The following SLC8A1 variants were observed in gnomAD, a reference collection of about 807,000 sequenced individuals.
SLC8A1 encodes solute carrier family 8 member A1, also known as sodium/calcium exchanger 1.
Under a neutral mutation model 68.3 loss-of-function variants are expected in SLC8A1, and 18 were observed. The observed-to-expected ratio is 0.26, with a 90% CI of 0.18 to 0.39. The LOEUF (loss-of-function observed/expected upper bound fraction) is 0.39. SLC8A1 is among the 10% of genes least tolerant of loss of function. The pLI is 1.00. For synonymous variants in SLC8A1, 475 were observed against 415.5 expected (o/e 1.14, Z -1.74); for missense variants, 985 against 1,156.7 (o/e 0.85, Z 2.15).
chr2:40,455,767 C>G (rs947765843), upstream of SLC8A1, among the ~76,000 whole-genome samples: 3 of 152,148 alleles, frequency 2.0e-5, no homozygotes, highest in African/African-American at 7.2e-5. Context: ...GAGACTTGTT[C>G]CTGCAGTTAA....
chr2:40,497,817 T>C (rs540893535), intron 1 of SLC8A1, among the ~76,000 whole-genome samples: 2 of 152,204 alleles, frequency 1.3e-5, no homozygotes, highest in East Asian at 1.9e-4. Context: ...CTGAGAGTTA[T>C]AGGGATTTAT....
intron 2 of SLC8A1, among the ~76,000 whole-genome samples, chr2:40,279,943 CT>C (rs2149180247): frequency 6.6e-6 from 1 of 152,300 alleles, no homozygotes; most frequent in South Asian, 2.1e-4. Context: ...TTCCCTGCCT[CT>C]TTTCCATTCT....
At chr2:40,325,509 C>T (rs1327882138) in intron 2 of SLC8A1, among the ~76,000 whole-genome samples, 2 of 152,096 alleles carry the variant, frequency 1.3e-5, no homozygotes, top group Non-Finnish European at 2.9e-5. Context: ...AAGAAGGCTG[C>T]ACCTTTTCAT....
intron 2 of SLC8A1, among the ~76,000 whole-genome samples, chr2:40,405,533 G>C (rs937332753): frequency 6.6e-6 from 1 of 152,170 alleles, no homozygotes; most frequent in Admixed American, 6.5e-5. Flanking sequence ...GAGATCCCAT[G>C]CCACAATTCA....
intron 2 of SLC8A1, among the ~76,000 whole-genome samples, chr2:40,418,399 C>A (rs12105764): frequency 0.28 from 42,430 of 151,950 alleles, 7,497 homozygotes; most frequent in African/African-American, 0.49. Context: ...TTGCATAATA[C>A]AACAGCTCAG....
intron 6 of SLC8A1, among the ~76,000 whole-genome samples, chr2:40,151,858 T>C (rs381171): frequency 0.053 from 8,005 of 152,250 alleles, 419 homozygotes; most frequent in African/African-American, 0.13. Flanking sequence ...AAAGTACTAG[T>C]TTTCAAATGT....
At chr2:40,133,504 G>T (rs918120986) in intron 7 of SLC8A1, among the ~76,000 whole-genome samples, 1 of 151,510 alleles carries the variant, frequency 6.6e-6, no homozygotes, top group Admixed American at 6.6e-5. Flanking sequence ...AAGAATATTC[G>T]AAACATAGGA....
chr2:40,421,907 G>C (rs1358931967), intron 2 of SLC8A1, among the ~76,000 whole-genome samples: 1 of 152,218 alleles, frequency 6.6e-6, no homozygotes, highest in Non-Finnish European at 1.5e-5. Flanking sequence ...CGAGCCAGGA[G>C]AGGAGGCAAT....
chr2:40,481,143 T>C (rs1178763223), intron 1 of SLC8A1, among the ~76,000 whole-genome samples: 3 of 152,158 alleles, frequency 2.0e-5, no homozygotes, highest in Non-Finnish European at 4.4e-5. Flanking sequence ...GTGTGTATGT[T>C]TGTGCATCCA....
At chr2:40,447,658 G>C (rs892384599) in intron 1 of SLC8A1, among the ~76,000 whole-genome samples, 1 of 151,332 alleles carries the variant, frequency 6.6e-6, no homozygotes, top group East Asian at 1.9e-4. Flanking sequence ...GCTCCTTCTC[G>C]GATAATATTT....
intron 2 of SLC8A1, among the ~76,000 whole-genome samples, chr2:40,330,857 G>C (rs370383209): frequency 6.6e-6 from 1 of 152,092 alleles, no homozygotes; most frequent in African/African-American, 2.4e-5. Flanking sequence ...TGGAATCTAC[G>C]GCATTTGCTA....
At chr2:40,492,276 A>G (rs1347548999) in intron 1 of SLC8A1, among the ~76,000 whole-genome samples, 1 of 152,202 alleles carries the variant, frequency 6.6e-6, no homozygotes, top group African/African-American at 2.4e-5. Flanking sequence ...CGTGCTGGGA[A>G]AACTGGCTAG....
chr2:40,390,544 C>A (rs148937372), intron 2 of SLC8A1, among the ~76,000 whole-genome samples: 1 of 152,090 alleles, frequency 6.6e-6, no homozygotes, highest in Non-Finnish European at 1.5e-5. Flanking sequence ...TCTACTAAGT[C>A]ATAAACTCTG....
At chr2:40,104,382 C>T (rs1262768827) in exon 8 of SLC8A1, 2 of 152,142 alleles carry the variant, frequency 1.3e-5, no homozygotes, top group Non-Finnish European at 2.9e-5. Flanking sequence ...ATAAAAGACC[C>T]TATATCAAAC....
At chr2:40,111,369 G>C (rs1272888004) in exon 8 of SLC8A1, 1 of 152,028 alleles carries the variant, frequency 6.6e-6, no homozygotes, top group African/African-American at 2.4e-5. Flanking sequence ...CCAAAGGCTG[G>C]TACTCAAGAG....
At chr2:40,466,831 T>C (rs997310441) in intron 1 of SLC8A1, among the ~76,000 whole-genome samples, 2 of 152,152 alleles carry the variant, frequency 1.3e-5, no homozygotes, top group Non-Finnish European at 2.9e-5. Flanking sequence ...CTTAATTTTT[T>C]CATTCACATA....
intron 2 of SLC8A1, among the ~76,000 whole-genome samples, chr2:40,254,048 G>T (rs74365378): frequency 6.6e-6 from 1 of 151,926 alleles, no homozygotes. Flanking sequence ...CAAAGAAATG[G>T]TAAATGTTTG....
chr2:40,179,366 C>T (rs953039253), intron 2 of SLC8A1, among the ~76,000 whole-genome samples: 1 of 152,228 alleles, frequency 6.6e-6, no homozygotes, highest in Non-Finnish European at 1.5e-5. Context: ...TTTAACAGTT[C>T]TTGCCTTATG....
chr2:40,295,669 G>A (rs2070234642), intron 2 of SLC8A1, among the ~76,000 whole-genome samples: 2 of 152,148 alleles, frequency 1.3e-5, no homozygotes, highest in Admixed American at 1.3e-4. Context: ...AGAAACACCT[G>A]TGAATCATGA....
Sources: gnomAD v4.1 joint callset for allele counts (sites outside exome capture counted in the v4.1 genomes callset) on GRCh38, gnomAD v4.1.1 for gene constraint, MANE v1.5 for transcripts, NCBI Gene and HGNC (gene_info 2026-07-23, HGNC 2026-07-21) for gene names.